Variants in COL4A5 observed in about 807,000 individuals in gnomAD.
COL4A5 encodes the protein collagen type IV alpha 5 chain, also known as collagen alpha-5(IV) chain.
A neutral mutation model predicts 130.2 loss-of-function variants in COL4A5; 26 were observed. The ratio of observed to expected loss-of-function variants is 0.20; its 90% CI spans 0.15 to 0.28. The LOEUF (loss-of-function observed/expected upper bound fraction) is 0.28, where lower values mean the gene tolerates loss of function less well. Among genes scored for constraint, COL4A5 ranks in the 10% least tolerant of loss-of-function variants. The pLI is 1.00. For synonymous variants in COL4A5, 496 were observed against 439.6 expected (o/e 1.13, Z -1.60); for missense variants, 1,131 against 1,344.3 (o/e 0.84, Z 2.48).
intron 2 of COL4A5, among the ~76,000 whole-genome samples, chrX:108,548,015 C>T (rs905036442): frequency 8.9e-6 from 1 of 111,982 alleles, no homozygotes; most frequent in Non-Finnish European, 1.9e-5. Context: ...GTCCCCTCTT[C>T]CCTTGGCTAG....
chrX:108,489,888 A>G (rs1250613322), intron 1 of COL4A5, among the ~76,000 whole-genome samples: 1 of 112,159 alleles, frequency 8.9e-6, no homozygotes, highest in Non-Finnish European at 1.9e-5. Context: ...ATATTAAGGA[A>G]TTTAGAAGGT....
intron 21 of COL4A5, among the ~76,000 whole-genome samples, chrX:108,592,928 G>A: frequency 9.0e-6 from 1 of 110,697 alleles, no homozygotes; most frequent in South Asian, 3.9e-4. Context: ...CTTGAACTTT[G>A]TGTACATGGA....
intron 36 of COL4A5, among the ~76,000 whole-genome samples, chrX:108,642,564 T>C (rs894729781): frequency 9.0e-5 from 10 of 110,838 alleles, no homozygotes; most frequent in African/African-American, 3.3e-4. Flanking sequence ...TCACAGGACT[T>C]TGTGCAGACA....
At chrX:108,457,642 A>T (rs775492330) in intron 1 of COL4A5, among the ~76,000 whole-genome samples, 16 of 111,705 alleles carry the variant, frequency 1.4e-4, no homozygotes, top group African/African-American at 4.5e-4. Context: ...GAGTTTTGAT[A>T]AAAGCATACA....
At chrX:108,453,848 G>A (rs763969605) in intron 1 of COL4A5, among the ~76,000 whole-genome samples, 7 of 111,588 alleles carry the variant, frequency 6.3e-5, no homozygotes, top group Non-Finnish European at 9.4e-5. Context: ...TGTTCATCGT[G>A]GTAGATACAG....
intron 1 of COL4A5, among the ~76,000 whole-genome samples, chrX:108,466,215 T>C (rs1429147639): frequency 1.8e-5 from 2 of 111,371 alleles, no homozygotes; most frequent in Non-Finnish European, 3.8e-5. Context: ...CATGTATATA[T>C]ATATGTATTT....
At chrX:108,675,766 T>G (rs1053409518) in intron 43 of COL4A5, among the ~76,000 whole-genome samples, 2 of 111,892 alleles carry the variant, frequency 1.8e-5, no homozygotes, top group African/African-American at 6.5e-5. Context: ...TTAAGATTTG[T>G]TTTTATCTTC....
chrX:108,466,405 A>T (rs2064706899), intron 1 of COL4A5, among the ~76,000 whole-genome samples: 1 of 111,162 alleles, frequency 9.0e-6, no homozygotes, highest in African/African-American at 3.3e-5. Context: ...TCTTATCAAC[A>T]CTTGTTATTT....
intron 37 of COL4A5, among the ~76,000 whole-genome samples, chrX:108,661,076 C>T (rs1375338363): frequency 1.8e-5 from 2 of 112,171 alleles, no homozygotes; most frequent in Non-Finnish European, 1.9e-5. Flanking sequence ...GCAATAGGCT[C>T]TGCTATACGG....
chrX:108,535,306 G>T (rs2065440877), intron 1 of COL4A5, among the ~76,000 whole-genome samples: 2 of 110,801 alleles, frequency 1.8e-5, no homozygotes, highest in African/African-American at 6.5e-5. Flanking sequence ...TATTTAGTGA[G>T]TACTTTCTGT....
chrX:108,457,906 G>T (rs1049431625), intron 1 of COL4A5, among the ~76,000 whole-genome samples: 1 of 111,776 alleles, frequency 8.9e-6, no homozygotes, highest in African/African-American at 3.2e-5. Context: ...TGCATCAGTA[G>T]TCCATTTCTT....
chrX:108,653,999 A>G (rs1257045287), intron 36 of COL4A5, among the ~76,000 whole-genome samples: 3 of 112,325 alleles, frequency 2.7e-5, no homozygotes, highest in African/African-American at 6.5e-5. Flanking sequence ...AGCTATTACC[A>G]TAATGCAGAA....
At chrX:108,473,053 G>C (rs2064790329) in intron 1 of COL4A5, among the ~76,000 whole-genome samples, 1 of 111,931 alleles carries the variant, frequency 8.9e-6, no homozygotes, top group Non-Finnish European at 1.9e-5. Context: ...TTGACCATTT[G>C]TATGTCTTCT....
At chrX:108,674,244 A>G (rs1404226945) in intron 42 of COL4A5, among the ~76,000 whole-genome samples, 1 of 111,272 alleles carries the variant, frequency 9.0e-6, no homozygotes, top group Non-Finnish European at 1.9e-5. Flanking sequence ...AGGCCTTTAA[A>G]GTCAACTGTA....
chrX:108,536,259 TTG>T (rs113018683), intron 1 of COL4A5, among the ~76,000 whole-genome samples: 67 of 105,857 alleles, frequency 6.3e-4, no homozygotes, highest in East Asian at 5.0e-3. Flanking sequence ...CATATAGTAG[TTG>T]TGTGTGTGTG....
intron 2 of COL4A5, among the ~76,000 whole-genome samples, chrX:108,546,491 T>C (rs1047673402): frequency 1.8e-5 from 2 of 112,344 alleles, no homozygotes; most frequent in Admixed American, 1.9e-4. Flanking sequence ...GTTAGTCTGA[T>C]GGGCTTCCCT....
rs764677351 is a variant in COL4A5, at chrX:108,591,683, A to G, written c.1423+39A>G. 37 of 1,054,292 alleles carry G rather than the reference A, an allele frequency of 3.5e-5. No homozygotes were observed. The South Asian group carries it at 6.6e-4, about 19-fold the overall frequency. The allele number at this position is 1,054,292 out of a possible 1,213,427, so 86.9% of individuals were successfully genotyped here. A position where few individuals can be genotyped will look rare whatever the true frequency, so the allele number is the denominator to read the frequency against. ...ACATATTCATTCCTTCATTTTCTTC[A>G]TTCTTTCAAATCATCAGCAAAATCC... is the stretch of plus-strand genomic sequence containing the variant. On this transcript the variant is annotated intron_variant, in intron 21 of 52. Coordinates refer to ENST00000328300, the MANE Select transcript of COL4A5 (RefSeq NM_033380.3).
intron 1 of COL4A5, among the ~76,000 whole-genome samples, chrX:108,495,302 A>G (rs2065025158): frequency 1.8e-5 from 2 of 111,605 alleles, no homozygotes; most frequent in South Asian, 7.5e-4. Context: ...AGCTAGATGA[A>G]GAATTCTTAG....
chrX:108,470,259 C>T (rs775606939), intron 1 of COL4A5, among the ~76,000 whole-genome samples: 28 of 112,518 alleles, frequency 2.5e-4, no homozygotes, highest in African/African-American at 4.8e-4. Context: ...TTTACACCAA[C>T]GGTGTACAAG....
Sources: gnomAD v4.1 joint callset for allele counts (sites outside exome capture counted in the v4.1 genomes callset) on GRCh38, gnomAD v4.1.1 for gene constraint, MANE v1.5 for transcripts, NCBI Gene and HGNC (gene_info 2026-07-23, HGNC 2026-07-21) for gene names.